The following CDH18 variants were observed in gnomAD, a reference collection of about 807,000 sequenced individuals.
The protein encoded by CDH18 is cadherin 18.
A neutral mutation model predicts 67.9 loss-of-function variants in CDH18; 31 were observed. The ratio of observed to expected loss-of-function variants is 0.46; its 90% CI spans 0.34 to 0.62. The LOEUF (loss-of-function observed/expected upper bound fraction) is 0.62, where lower values mean the gene tolerates loss of function less well. Ranked by LOEUF, CDH18 falls within the 20% of genes least tolerant of loss-of-function variation. The pLI, the probability that CDH18 is intolerant of heterozygous loss-of-function variation, is 0.01. For synonymous variants in CDH18, 362 were observed against 347.2 expected (o/e 1.04, Z -0.48); for missense variants, 890 against 975.5 (o/e 0.91, Z 1.17).
intron 4 of CDH18, among the ~76,000 whole-genome samples, chr5:19,736,758 T>C (rs184804625): frequency 4.6e-5 from 7 of 152,184 alleles, no homozygotes; most frequent in African/African-American, 1.2e-4. Context: ...ACCGCTTTTA[T>C]GAAAGGTCGC....
At chr5:20,284,248 T>A (rs1027730098) in intron 1 of CDH18, among the ~76,000 whole-genome samples, 1 of 151,968 alleles carries the variant, frequency 6.6e-6, no homozygotes, top group Admixed American at 6.6e-5. Context: ...AAGGATATAA[T>A]TGGATTGTTT....
rs781604037 is a variant in CDH18, at chr5:20,464,783, A to G, written c.-580+110679T>C. On this transcript the variant is annotated intron_variant, in intron 1 of 14. Transcript: ENST00000507958. The stretch of plus-strand genomic sequence containing the variant: ...GGAGATACAATTGAGATGGCAAGGA[A>G]GAGAAGTTGGAGACAATGCTATAAA... 3.3e-5 allele frequency among the ~76,000 whole-genome samples: 5 copies of G among 152,156 alleles called. No individual in the cohort carries two copies. The South Asian group carries it at 1.0e-3, about 31-fold the overall frequency.
Position 20,024,288 on chromosome 5 carries a change from C to T in CDH18, c.-517-32274G>A, listed in dbSNP as rs544872998. 2.0e-5 allele frequency among the ~76,000 whole-genome samples: 3 copies of T among 152,274 alleles called. No homozygotes were observed. In the East Asian group the frequency reaches 5.8e-4, roughly 29 times the overall value. On this transcript the variant is annotated intron_variant, in intron 2 of 14. Coordinates refer to the CDH18 transcript ENST00000507958. ...ATTTTGCTTAGCATTGTTCTCAGCT[C>T]TTATACCTGGAAATAACATATGGCT...
intron 6 of CDH18, among the ~76,000 whole-genome samples, chr5:19,607,754 A>G (rs960930871): frequency 6.6e-6 from 1 of 151,492 alleles, no homozygotes; most frequent in African/African-American, 2.4e-5. Context: ...ATAAATTAAG[A>G]ATAAAAAATT....
chr5:19,673,409 C>G (rs947976389), intron 5 of CDH18, among the ~76,000 whole-genome samples: 2 of 151,814 alleles, frequency 1.3e-5, no homozygotes, highest in African/African-American at 4.8e-5. Flanking sequence ...TGTTATAGTT[C>G]TAGACTATAT....
intron 10 of CDH18, among the ~76,000 whole-genome samples, chr5:19,515,699 T>A (rs1335458556): frequency 2.0e-5 from 3 of 152,200 alleles, no homozygotes; most frequent in African/African-American, 7.2e-5. Flanking sequence ...CACATTGATT[T>A]TGTATCCTGA....
intron 2 of CDH18, among the ~76,000 whole-genome samples, chr5:19,885,183 T>C (rs1192869942): frequency 6.6e-6 from 1 of 152,190 alleles, no homozygotes; most frequent in African/African-American, 2.4e-5. Context: ...AATCTAGCTC[T>C]ATCTTTGACT....
Position 19,787,811 on chromosome 5 carries a change from A to T in CDH18, c.229-40575T>A, listed in dbSNP as rs181231025. 3.4e-4 allele frequency among the ~76,000 whole-genome samples: 50 copies of T among 147,552 alleles called. 1 individual carries two copies. The highest frequency in any genetic ancestry group is 1.2e-3 in the African/African-American group (47 of 40,268). On this transcript the variant is annotated intron_variant, in intron 3 of 12. Transcript: ENST00000382275. Reference sequence around the variant, plus strand: ...CAATGAATAGCAGTAATTTACAGTTATATATATATATATATATGTTTACAT... The same window carrying T: ...CAATGAATAGCAGTAATTTACAGTTTTATATATATATATATATGTTTACAT...
intron 5 of CDH18, among the ~76,000 whole-genome samples, chr5:19,670,037 C>G (rs911451196): frequency 6.6e-6 from 1 of 151,922 alleles, no homozygotes; most frequent in Non-Finnish European, 1.5e-5. Context: ...ATCTGGAAGT[C>G]CCATTTGACA....
At chr5:19,963,767 A>G (rs982687274) in intron 2 of CDH18, among the ~76,000 whole-genome samples, 1 of 152,048 alleles carries the variant, frequency 6.6e-6, no homozygotes, top group African/African-American at 2.4e-5. Context: ...AAAGTAATTT[A>G]CAAATAAATG....
chr5:19,549,937 C>T (rs1418950061), intron 8 of CDH18, among the ~76,000 whole-genome samples: 1 of 151,920 alleles, frequency 6.6e-6, no homozygotes, highest in Non-Finnish European at 1.5e-5. Context: ...GGTATTTGAT[C>T]AGTCCTGAAA....
intron 8 of CDH18, 69 bp from the exon 9 acceptor site, chr5:19,544,074 A>C: frequency 1.5e-6 from 1 of 687,034 alleles, no homozygotes; most frequent in Non-Finnish European, 2.3e-6. Context: ...CAAGGAAAGT[A>C]TTATATCTAA....
chr5:19,487,613 T>TA (rs1270815570), intron 11 of CDH18, among the ~76,000 whole-genome samples: 1 of 152,196 alleles, frequency 6.6e-6, no homozygotes, highest in Non-Finnish European at 1.5e-5. Flanking sequence ...AGTATTTCCA[T>TA]AAACCATACC....
At chr5:19,498,895 A>G (rs545997630) in intron 11 of CDH18, among the ~76,000 whole-genome samples, 28 of 152,252 alleles carry the variant, frequency 1.8e-4, no homozygotes, top group African/African-American at 6.7e-4. Context: ...CTCCATCTTT[A>G]GGAACTAGTC....
At chr5:20,238,838 ACATATAAAGGCTATGAATATTTC>A (rs886876959) in intron 2 of CDH18, among the ~76,000 whole-genome samples, 23 of 152,194 alleles carry the variant, frequency 1.5e-4, no homozygotes, top group Admixed American at 2.0e-4. Context: ...CTGTGATTAA[ACATATAAAGGCTATGAATATTTC>A]CATATAAAGG....
intron 2 of CDH18, among the ~76,000 whole-genome samples, chr5:20,096,024 C>T (rs918782387): frequency 6.6e-6 from 1 of 151,728 alleles, no homozygotes; most frequent in African/African-American, 2.4e-5. Context: ...GAAAGGAGAG[C>T]TTATATATGT....
intron 1 of CDH18, among the ~76,000 whole-genome samples, chr5:20,364,253 G>C (rs1364138442): frequency 6.6e-6 from 1 of 150,912 alleles, no homozygotes; most frequent in East Asian, 1.9e-4. Flanking sequence ...GCATGTACAA[G>C]TACACACACA....
chr5:19,867,170 A>G (rs1328636193), intron 2 of CDH18, among the ~76,000 whole-genome samples: 8 of 152,200 alleles, frequency 5.3e-5, no homozygotes, highest in African/African-American at 1.9e-4. Context: ...ATATAATATG[A>G]CATTTAATAA....
At chr5:20,038,811 C>T (rs796873944) in intron 2 of CDH18, among the ~76,000 whole-genome samples, 28 of 152,200 alleles carry the variant, frequency 1.8e-4, no homozygotes, top group African/African-American at 6.3e-4. Flanking sequence ...TATCATCACT[C>T]CTATTCAACA....
Sources: gnomAD v4.1 joint callset for allele counts (sites outside exome capture counted in the v4.1 genomes callset) on GRCh38, gnomAD v4.1.1 for gene constraint, MANE v1.5 for transcripts, NCBI Gene and HGNC (gene_info 2026-07-23, HGNC 2026-07-21) for gene names.